The following UNC13C variants were observed in gnomAD, a reference collection of about 807,000 sequenced individuals.
UNC13C encodes protein unc-13 homolog C.
Under a neutral mutation model 245.4 loss-of-function variants are expected in UNC13C, and 174 were observed. The ratio of observed to expected loss-of-function variants is 0.71; its 90% CI spans 0.63 to 0.80. The LOEUF (loss-of-function observed/expected upper bound fraction) is 0.80. UNC13C is among the 30% of genes least tolerant of loss of function. UNC13C has a pLI of 0.00. For synonymous variants in UNC13C, 992 were observed against 895.1 expected (o/e 1.11, Z -1.93); for missense variants, 2,829 against 2,602.9 (o/e 1.09, Z -1.89).
At chr15:54,479,062 C>T (rs1193653353) in intron 19 of UNC13C, among the ~76,000 whole-genome samples, 2 of 151,932 alleles carry the variant, frequency 1.3e-5, no homozygotes, top group South Asian at 2.1e-4. Flanking sequence ...GGTATCTGTT[C>T]ACCAAGGTGT....
chr15:54,114,498 T>G (rs1373707984), intron 2 of UNC13C, among the ~76,000 whole-genome samples: 3 of 152,188 alleles, frequency 2.0e-5, no homozygotes, highest in African/African-American at 7.2e-5. Context: ...CCATTTTAGA[T>G]TTTTGAAAAC....
chr15:53,838,640 T>C, the UNC13C span, among the ~76,000 whole-genome samples: 1 of 152,050 alleles, frequency 6.6e-6, no homozygotes, highest in Admixed American at 6.6e-5. Flanking sequence ...TTTATATATC[T>C]TTTAATTTGG....
At chr15:54,280,767 TACATATATATATATAC>T (rs1261808681) in intron 10 of UNC13C, among the ~76,000 whole-genome samples, 9 of 141,004 alleles carry the variant, frequency 6.4e-5, no homozygotes, top group East Asian at 3.9e-4. Flanking sequence ...CATACATACA[TACATATATATATATAC>T]ACATATATAT....
intron 13 of UNC13C, among the ~76,000 whole-genome samples, chr15:54,312,532 T>C (rs898551077): frequency 6.6e-6 from 1 of 151,864 alleles, no homozygotes; most frequent in African/African-American, 2.4e-5. Flanking sequence ...TAAAAGATTC[T>C]ACATAATCCC....
At chr15:54,041,827 A>G (rs1476505547) in intron 2 of UNC13C, among the ~76,000 whole-genome samples, 1 of 152,236 alleles carries the variant, frequency 6.6e-6, no homozygotes, top group Non-Finnish European at 1.5e-5. Context: ...ATATTGAGAC[A>G]TTTTAAAATT....
chr15:54,235,189 T>A, intron 5 of UNC13C, 81 bp downstream of exon 5: 2 of 1,158,628 alleles, frequency 1.7e-6, no homozygotes, highest in Non-Finnish European at 2.6e-6. Flanking sequence ...TCTCATTCAC[T>A]GTCTAGCCTG....
In UNC13C at chr15:54,580,252, G is replaced by A. The variant is rs377554428; in HGVS notation, c.6106+12305G>A. Among the ~76,000 whole-genome samples, 105 of 152,342 alleles carry A rather than the reference G, an allele frequency of 6.9e-4. No homozygotes were observed. The Middle Eastern group carries it at 0.014, about 20-fold the overall frequency. On this transcript the variant is annotated intron_variant, in intron 30 of 32. Transcript: ENST00000260323. ...TGTCCTTCACAGCTGATTTCTGAGC[G>A]AAGATGGGACATTTTCTCCTACAGT...
rs561797933 is a variant in UNC13C, at chr15:54,483,920, A to G, written c.4934-10688A>G. 6.0e-5 allele frequency among the ~76,000 whole-genome samples: 9 copies of G among 150,580 alleles called. 1 individual carries two copies. The South Asian group carries it at 1.9e-3, about 32-fold the overall frequency. ...TTTACCAACAGAAACACACATATTCACGGAACATACACAAACACACACAGT... is the reference window on the plus strand; with the variant it reads ...TTTACCAACAGAAACACACATATTCGCGGAACATACACAAACACACACAGT... On this transcript the variant is annotated intron_variant, in intron 19 of 32. Coordinates refer to ENST00000260323, the MANE Select transcript of UNC13C (RefSeq NM_001080534.3).
intron 4 of UNC13C, among the ~76,000 whole-genome samples, chr15:54,198,397 A>T (rs1200976672): frequency 6.6e-6 from 1 of 152,140 alleles, no homozygotes; most frequent in Non-Finnish European, 1.5e-5. Context: ...GCTAGAGGCC[A>T]ATCAATACAA....
intron 4 of UNC13C, among the ~76,000 whole-genome samples, chr15:54,214,688 C>T (rs907652504): frequency 1.3e-5 from 2 of 151,880 alleles, no homozygotes; most frequent in Admixed American, 6.6e-5. Context: ...TTTGATTCTA[C>T]TTAATGACTT....
At chr15:54,331,686 C>G (rs2038440936) in intron 14 of UNC13C, among the ~76,000 whole-genome samples, 1 of 152,114 alleles carries the variant, frequency 6.6e-6, no homozygotes, top group Non-Finnish European at 1.5e-5. Context: ...TGCATTTTCT[C>G]TTGCTGACGC....
At chr15:54,069,620 G>T (rs969607265) in intron 2 of UNC13C, among the ~76,000 whole-genome samples, 9 of 152,168 alleles carry the variant, frequency 5.9e-5, no homozygotes, top group Admixed American at 3.9e-4. Flanking sequence ...AAGATAACTT[G>T]TCATGGGCCA....
At chr15:54,316,101 TC>T (rs1391810852) in intron 13 of UNC13C, among the ~76,000 whole-genome samples, 1 of 151,938 alleles carries the variant, frequency 6.6e-6, no homozygotes, top group Non-Finnish European at 1.5e-5. Context: ...GAACTAGAGT[TC>T]CTTGCTAATA....
chr15:54,475,317 ATT>A (rs1892675069), intron 19 of UNC13C, among the ~76,000 whole-genome samples: 1 of 110,772 alleles, frequency 9.0e-6, no homozygotes, highest in Non-Finnish European at 1.9e-5. Flanking sequence ...TATTATTATT[ATT>A]ATTATACTTT....
intron 2 of UNC13C, among the ~76,000 whole-genome samples, chr15:54,081,226 G>A (rs568061825): frequency 6.6e-6 from 1 of 152,112 alleles, no homozygotes; most frequent in Non-Finnish European, 1.5e-5. Context: ...GACCATTTTA[G>A]AGGTTGTTTC....
intron 10 of UNC13C, among the ~76,000 whole-genome samples, chr15:54,269,301 G>A (rs74013584): frequency 0.025 from 3,805 of 151,818 alleles, 154 homozygotes; most frequent in African/African-American, 0.088. Flanking sequence ...CTCACTGCTT[G>A]ATTTTTTTAT....
the UNC13C span, among the ~76,000 whole-genome samples, chr15:53,907,276 T>C: frequency 6.6e-6 from 1 of 152,222 alleles, no homozygotes; most frequent in Non-Finnish European, 1.5e-5. Context: ...TATCAAGAGG[T>C]ATTAATATAG....
chr15:53,866,428 A>C, the UNC13C span, among the ~76,000 whole-genome samples: 1 of 152,198 alleles, frequency 6.6e-6, no homozygotes, highest in Non-Finnish European at 1.5e-5. Context: ...AGTAATGAGG[A>C]GGTGTTTACT....
At chr15:54,176,430 C>T (rs1000731803) in intron 4 of UNC13C, among the ~76,000 whole-genome samples, 2 of 152,124 alleles carry the variant, frequency 1.3e-5, no homozygotes, top group African/African-American at 4.8e-5. Flanking sequence ...TTTTTGAGAT[C>T]TGGCTTACCT....
Sources: gnomAD v4.1 joint callset for allele counts (sites outside exome capture counted in the v4.1 genomes callset) on GRCh38, gnomAD v4.1.1 for gene constraint, MANE v1.5 for transcripts, NCBI Gene and HGNC (gene_info 2026-07-23, HGNC 2026-07-21) for gene names.